MCMDC2: variants seen among roughly 807,000 people sequenced by gnomAD.
The protein encoded by MCMDC2 is minichromosome maintenance domain containing 2.
Under a neutral mutation model 75.8 loss-of-function variants are expected in MCMDC2, and 54 were observed. That is an observed-to-expected ratio of 0.71 (90% CI 0.57 to 0.89). MCMDC2 has a LOEUF of 0.89. MCMDC2 is among the 40% of genes least tolerant of loss of function. The probability of loss-of-function intolerance (pLI) is 0.00; values close to 1 mark genes in which losing one functional copy is unlikely to be tolerated. For synonymous variants in MCMDC2, 249 were observed against 274.6 expected, an observed-to-expected ratio of 0.91 and a Z score of 0.92; for missense variants, 656 against 780.4, an observed-to-expected ratio of 0.84 and a Z score of 1.90.
chr8:66,889,714 G>A lies in MCMDC2; in HGVS notation c.1074-1151G>A, dbSNP rs539487134. ...CTTGGGAGGCTGAGGAAGGAGAATC[G>A]TTTGAGCCTGGGAGGTGGAGGTTGG... On this transcript the variant is annotated intron_variant, in intron 9 of 14. Coordinates refer to ENST00000422365, the MANE Select transcript of MCMDC2 (RefSeq NM_173518.5). Among the ~76,000 whole-genome samples, 15 of 152,250 alleles carry A rather than the reference G, an allele frequency of 9.9e-5. No individual in the cohort carries two copies. In the South Asian group the frequency reaches 2.3e-3, roughly 23 times the overall value.
At chr8:66,900,985 TGA>T (rs1300634689) in intron 12 of MCMDC2, among the ~76,000 whole-genome samples, 1 of 152,248 alleles carries the variant, frequency 6.6e-6, no homozygotes, top group Non-Finnish European at 1.5e-5. Context: ...ATTTCTGCAC[TGA>T]GAGGGAGGAG....
intron 10 of MCMDC2, among the ~76,000 whole-genome samples, chr8:66,895,449 C>T (rs1426274997): frequency 6.7e-6 from 1 of 150,076 alleles, no homozygotes; most frequent in African/African-American, 2.5e-5. Context: ...CCCTGTTGCC[C>T]AGGGTGGAGT....
chr8:66,918,068 TTTG>T (rs565458379), intron 14 of MCMDC2, among the ~76,000 whole-genome samples: 34 of 151,682 alleles, frequency 2.2e-4, no homozygotes, highest in African/African-American at 8.1e-4. Context: ...CACTTGTCAT[TTTG>T]TTTTTTATTT....
At chr8:66,903,610 G>A (rs899912047) in intron 13 of MCMDC2, among the ~76,000 whole-genome samples, 5 of 151,984 alleles carry the variant, frequency 3.3e-5, no homozygotes, top group Non-Finnish European at 5.9e-5. Context: ...CTACTTTTTC[G>A]CATTGTAGAA....
intron 1 of MCMDC2, among the ~76,000 whole-genome samples, chr8:66,871,964 G>A (rs960158265): frequency 3.3e-5 from 5 of 151,380 alleles, no homozygotes; most frequent in African/African-American, 1.2e-4. Context: ...GCTTCCCTTT[G>A]CCTATATAAT....
chr8:66,879,985 A>G (rs879442226), intron 7 of MCMDC2, among the ~76,000 whole-genome samples: 2 of 152,224 alleles, frequency 1.3e-5, no homozygotes, highest in Admixed American at 1.3e-4. Flanking sequence ...TCATAGCTTT[A>G]CAACCAACCA....
At chr8:66,926,165 C>CAT (rs1813708794), downstream of MCMDC2, 1 of 152,092 alleles carries the variant, frequency 6.6e-6, no homozygotes, top group Non-Finnish European at 1.5e-5. Flanking sequence ...AACCAAAAAA[C>CAT]ATATATATAG....
At chr8:66,894,645 G>A (rs1040947091) in intron 10 of MCMDC2, among the ~76,000 whole-genome samples, 1 of 152,024 alleles carries the variant, frequency 6.6e-6, no homozygotes, top group African/African-American at 2.4e-5. Flanking sequence ...TAAAAGTATT[G>A]TACAATATAA....
chr8:66,877,055 G>A (rs554203235), intron 4 of MCMDC2, among the ~76,000 whole-genome samples: 31 of 152,076 alleles, frequency 2.0e-4, no homozygotes, highest in Admixed American at 9.8e-4. Flanking sequence ...CACCGTGCCC[G>A]GCCCTGGTTG....
intron 14 of MCMDC2, among the ~76,000 whole-genome samples, chr8:66,905,706 A>G (rs577396882): frequency 1.1e-4 from 17 of 152,284 alleles, no homozygotes; most frequent in African/African-American, 4.1e-4. Flanking sequence ...GCAACATAGC[A>G]AAAGAAAATC....
intron 8 of MCMDC2, among the ~76,000 whole-genome samples, chr8:66,881,445 G>A (rs777919512): frequency 1.3e-5 from 2 of 152,098 alleles, no homozygotes; most frequent in Non-Finnish European, 2.9e-5. Flanking sequence ...TCCCAGCACT[G>A]TGGGAGGCCG....
chr8:66,924,544 G>T (rs772025126), downstream of MCMDC2, among the ~76,000 whole-genome samples: 11 of 150,288 alleles, frequency 7.3e-5, no homozygotes, highest in Non-Finnish European at 1.2e-4. Context: ...CTGAGGCAGA[G>T]AACTGCTTGA....
chr8:66,919,194 T>G lies in MCMDC2; in HGVS notation c.*25T>G. On this transcript the variant is annotated 3_prime_UTR_variant, in exon 15 of 15. Transcript: ENST00000422365. ...AGCAATTTGAGGAATTTTTGTTCAT[T>G]CCTACTTAAGCAGTGGAGAAAAAGT... 1 of 1,526,972 alleles carries G rather than the reference T, an allele frequency of 6.5e-7. No homozygotes were observed. The highest frequency in any genetic ancestry group is 1.3e-5 in the South Asian group (1 of 79,436). The allele number at this position is 1,526,972 out of a possible 1,614,324, so 94.6% of individuals were successfully genotyped here. A position where few individuals can be genotyped will look rare whatever the true frequency, so the allele number is the denominator to read the frequency against.
chr8:66,897,293 G>A (rs1174691014), intron 12 of MCMDC2, among the ~76,000 whole-genome samples: 1 of 151,812 alleles, frequency 6.6e-6, no homozygotes, highest in African/African-American at 2.4e-5. Context: ...TGTAATCCCA[G>A]CTACTCGGGA....
rs917113953 is a variant in MCMDC2, at chr8:66,921,907, T to G, written c.*2738T>G. ...ATATGTTCAAAACAGGTCTGACTAGTGACTATGAGAATGGAGCTATTTAGA... is the reference window on the plus strand; with the variant it reads ...ATATGTTCAAAACAGGTCTGACTAGGGACTATGAGAATGGAGCTATTTAGA... On this transcript the variant is annotated 3_prime_UTR_variant, in exon 15 of 15. Transcript: ENST00000422365. 1 of 152,358 alleles carries G rather than the reference T, an allele frequency of 6.6e-6. No individual in the cohort carries two copies. Among genetic ancestry groups the G allele is most frequent in the Non-Finnish European group, 1.5e-5 (1 of 68,128 alleles). The allele number at this position is 152,358 out of a possible 1,614,324, so 9.4% of individuals were successfully genotyped here. A position where few individuals can be genotyped will look rare whatever the true frequency, so the allele number is the denominator to read the frequency against.
intron 7 of MCMDC2, among the ~76,000 whole-genome samples, chr8:66,880,336 G>A (rs1057305392): frequency 2.6e-5 from 4 of 152,334 alleles, no homozygotes; most frequent in Admixed American, 1.3e-4. Context: ...TGAGGTTACA[G>A]TGAACTGATT....
intron 14 of MCMDC2, among the ~76,000 whole-genome samples, chr8:66,909,969 G>A (rs1049334866): frequency 1.3e-5 from 2 of 152,210 alleles, no homozygotes; most frequent in Non-Finnish European, 2.9e-5. Flanking sequence ...TCGGGACTTG[G>A]TGCCCTGCAT....
At chr8:66,891,510 G>T (rs554212252) in intron 10 of MCMDC2, among the ~76,000 whole-genome samples, 11 of 151,940 alleles carry the variant, frequency 7.2e-5, no homozygotes, top group African/African-American at 2.7e-4. Flanking sequence ...TTCCGAGAGG[G>T]TTTTTTTTAA....
rs115744321 is a variant in MCMDC2, at chr8:66,888,112, G to A, written c.1074-2753G>A. Among the ~76,000 whole-genome samples, 1,253 of 152,134 alleles carry A rather than the reference G, an allele frequency of 8.2e-3. 14 individuals are homozygous for A. Among genetic ancestry groups the A allele is most frequent in the African/African-American group, 0.028 (1,179 of 41,512 alleles). ...ATTTTTATTTTTGAGACAGGGTCACGGTCTGTTGCCCAAATTGGAGTGCAG... is the reference window on the plus strand; with the variant it reads ...ATTTTTATTTTTGAGACAGGGTCACAGTCTGTTGCCCAAATTGGAGTGCAG... On this transcript the variant is annotated intron_variant, in intron 9 of 14. Transcript: ENST00000422365.
Sources: gnomAD v4.1 joint callset for allele counts (sites outside exome capture counted in the v4.1 genomes callset) on GRCh38, gnomAD v4.1.1 for gene constraint, MANE v1.5 for transcripts, NCBI Gene and HGNC (gene_info 2026-07-23, HGNC 2026-07-21) for gene names.